Variants in MSH3 observed in about 807,000 individuals in gnomAD.
The protein encoded by MSH3 is DNA mismatch repair protein Msh3.
Under a neutral mutation model 123.3 loss-of-function variants are expected in MSH3, and 106 were observed. The ratio of observed to expected loss-of-function variants is 0.86; its 90% CI spans 0.73 to 1.01. The LOEUF (loss-of-function observed/expected upper bound fraction) is 1.01, where lower values mean the gene tolerates loss of function less well. Ranked by LOEUF, MSH3 falls within the 50% of genes least tolerant of loss-of-function variation. The pLI is 0.00. For synonymous variants in MSH3, 515 were observed against 481.4 expected (o/e 1.07, Z -0.91); for missense variants, 1,459 against 1,347.6 (o/e 1.08, Z -1.29).
At chr5:80,776,500 A>G (rs1744301666) in intron 16 of MSH3, among the ~76,000 whole-genome samples, 1 of 152,062 alleles carries the variant, frequency 6.6e-6, no homozygotes, top group Non-Finnish European at 1.5e-5. Context: ...TTGGCACATA[A>G]TTATTATAAT....
chr5:80,753,932 C>T (rs1013296269), intron 12 of MSH3, among the ~76,000 whole-genome samples: 1 of 152,162 alleles, frequency 6.6e-6, no homozygotes, highest in African/African-American at 2.4e-5. Flanking sequence ...TGATTATAAG[C>T]AGAATGCATT....
chr5:80,668,266 C>T (rs1249193645), intron 3 of MSH3, among the ~76,000 whole-genome samples: 1 of 152,152 alleles, frequency 6.6e-6, no homozygotes, highest in Non-Finnish European at 1.5e-5. Flanking sequence ...TGGGCGGGCT[C>T]AGAAAACACC....
rs187668724 is a variant in MSH3, at chr5:80,871,236, G to T, written c.3131-1880G>T. Among the ~76,000 whole-genome samples the T allele has an allele frequency of 6.4e-4, 98 of 152,286 alleles. 1 individual carries two copies. The highest frequency in any genetic ancestry group is 4.3e-3 in the Admixed American group (65 of 15,292). ...TCCTTCAGAGTTACCTCAACTTGGG[G>T]TGAGGGGGATAGACCTCTATACCTT... On this transcript the variant is annotated intron_variant, in intron 22 of 23. Transcript: ENST00000265081.
At chr5:80,703,957 G>A (rs1387221879) in intron 8 of MSH3, among the ~76,000 whole-genome samples, 2 of 152,074 alleles carry the variant, frequency 1.3e-5, no homozygotes, top group Non-Finnish European at 2.9e-5. Flanking sequence ...TGCATAGGGC[G>A]TGTTCTGTGG....
intron 12 of MSH3, among the ~76,000 whole-genome samples, chr5:80,757,179 G>A (rs1054921521): frequency 1.3e-5 from 2 of 151,494 alleles, no homozygotes; most frequent in Admixed American, 6.6e-5. Flanking sequence ...AATCATATCA[G>A]GGTAAATGGG....
At chr5:80,700,833 C>T (rs1234132439) in intron 8 of MSH3, among the ~76,000 whole-genome samples, 1 of 152,172 alleles carries the variant, frequency 6.6e-6, no homozygotes, top group Non-Finnish European at 1.5e-5. Flanking sequence ...GAAGAAACAG[C>T]ATTTGAGAAG....
intron 19 of MSH3, among the ~76,000 whole-genome samples, chr5:80,808,792 A>T (rs1744947078): frequency 1.3e-5 from 2 of 148,794 alleles, no homozygotes; most frequent in African/African-American, 4.9e-5. Flanking sequence ...AAAAAATGTT[A>T]TTCCTTTTGA....
At position 80,863,122 on chromosome 5, in the gene MSH3, A is replaced by G. The variant is rs933796628; in HGVS notation, c.3001-1691A>G. 2.6e-5 allele frequency among the ~76,000 whole-genome samples: 4 copies of G among 152,358 alleles called. No individual in the cohort carries two copies. In the South Asian group the frequency reaches 8.3e-4, roughly 32 times the overall value. On this transcript the variant is annotated intron_variant, in intron 21 of 23. Transcript: ENST00000265081. ...GCATCCCCAGTTATGTAAAACTGATATCACGTCCCACCTGATGTGATGCAC... is the reference window on the plus strand; with the variant it reads ...GCATCCCCAGTTATGTAAAACTGATGTCACGTCCCACCTGATGTGATGCAC...
chr5:80,832,068 C>G (rs1745428890), intron 20 of MSH3, among the ~76,000 whole-genome samples: 1 of 151,862 alleles, frequency 6.6e-6, no homozygotes. Context: ...TGAGATCGCG[C>G]CACTGCACTC....
At chr5:80,870,174 CAA>C (rs745491509) in intron 22 of MSH3, among the ~76,000 whole-genome samples, 13 of 105,858 alleles carry the variant, frequency 1.2e-4, no homozygotes, top group East Asian at 2.6e-4. Context: ...AACTCCGTCT[CAA>C]AAAAAAAAAA....
chr5:80,813,738 C>T lies in MSH3; in HGVS notation c.2810C>T (p.Thr937Ile), dbSNP rs777318930. The T allele has an allele frequency of 6.2e-7, 1 of 1,614,094 alleles. No individual in the cohort carries two copies. Among genetic ancestry groups the T allele is most frequent in the South Asian group, 1.1e-5 (1 of 91,082 alleles). ...ATTGGGATTGTGGATGGCATTTTCACAAGGTAAGTACGTTAATTCAGCTTG... is the reference window on the plus strand; with the variant it reads ...ATTGGGATTGTGGATGGCATTTTCATAAGGTAAGTACGTTAATTCAGCTTG... ...ATIGIVDGIF[T>I]RMGAADNIYK... is the part of the protein sequence containing the mutation. Residue 937 changes from threonine (T) to isoleucine (I), a missense_variant, in exon 20 of 24, where the codon ACA becomes ATA. Physicochemically the swap from Thr to Ile is moderately conservative, Grantham distance 89. Transcript: ENST00000265081.
At chr5:80,691,458 A>T (rs1356617249) in intron 8 of MSH3, among the ~76,000 whole-genome samples, 2 of 151,914 alleles carry the variant, frequency 1.3e-5, no homozygotes, top group Non-Finnish European at 2.9e-5. Flanking sequence ...TACTGGAAAG[A>T]TGCAACACGT....
chr5:80,700,607 A>C (rs1046382530), intron 8 of MSH3, among the ~76,000 whole-genome samples: 3 of 152,110 alleles, frequency 2.0e-5, no homozygotes, highest in African/African-American at 4.8e-5. Flanking sequence ...TCTAGCTAGC[A>C]ATTTTAATGG....
intron 8 of MSH3, among the ~76,000 whole-genome samples, chr5:80,706,688 G>A (rs1330112424): frequency 6.6e-6 from 1 of 152,086 alleles, no homozygotes; most frequent in Admixed American, 6.6e-5. Flanking sequence ...TCTTCAAAAC[G>A]AGAGATATTT....
chr5:80,846,651 C>T (rs925666836), intron 20 of MSH3, among the ~76,000 whole-genome samples: 4 of 152,204 alleles, frequency 2.6e-5, no homozygotes. Context: ...CAAGCCACAA[C>T]GTCGCAGGTT....
intron 19 of MSH3, among the ~76,000 whole-genome samples, chr5:80,805,590 T>C (rs79378362): frequency 0.055 from 1,155 of 20,992 alleles, 32 homozygotes; most frequent in South Asian, 0.32. Flanking sequence ...CCCCCCCCCC[T>C]ACCTTTTTTT....
intron 12 of MSH3, among the ~76,000 whole-genome samples, chr5:80,755,148 C>T (rs1580021330): frequency 1.3e-5 from 2 of 152,282 alleles, no homozygotes; most frequent in Non-Finnish European, 2.9e-5. Flanking sequence ...CCTGGTGCCC[C>T]TTTCCTCTGC....
At chr5:80,731,719 A>G (rs985853896) in intron 10 of MSH3, among the ~76,000 whole-genome samples, 4 of 152,204 alleles carry the variant, frequency 2.6e-5, no homozygotes, top group Non-Finnish European at 4.4e-5. Context: ...AGATCATTCT[A>G]AAAGAGTAAT....
At chr5:80,688,188 C>G (rs1750137968) in intron 8 of MSH3, among the ~76,000 whole-genome samples, 1 of 152,208 alleles carries the variant, frequency 6.6e-6, no homozygotes, top group Admixed American at 6.5e-5. Flanking sequence ...ACCACAGTGA[C>G]TTTAGCTATC....
Sources: gnomAD v4.1 joint callset for allele counts (sites outside exome capture counted in the v4.1 genomes callset) on GRCh38, gnomAD v4.1.1 for gene constraint, MANE v1.5 for transcripts, NCBI Gene and HGNC (gene_info 2026-07-23, HGNC 2026-07-21) for gene names.